The following ERBB4 variants were observed in gnomAD, a reference collection of about 807,000 sequenced individuals.
The protein encoded by ERBB4 is erb-b2 receptor tyrosine kinase 4, also known as receptor tyrosine-protein kinase erbB-4.
ERBB4 carries 42 observed loss-of-function variants against 158.0 expected under a neutral mutation model. The ratio of observed to expected loss-of-function variants is 0.27; its 90% CI spans 0.21 to 0.34. The LOEUF is 0.34. Among genes scored for constraint, ERBB4 ranks in the 10% least tolerant of loss-of-function variants. The pLI is 1.00. For synonymous variants in ERBB4, 583 were observed against 558.7 expected (o/e 1.04, Z -0.61); for missense variants, 1,333 against 1,624.1 (o/e 0.82, Z 3.08).
chr2:212,348,975 C>T (rs1407517867), intron 1 of ERBB4, among the ~76,000 whole-genome samples: 1 of 152,034 alleles, frequency 6.6e-6, no homozygotes, highest in Non-Finnish European at 1.5e-5. Flanking sequence ...ATGAAGAAAG[C>T]CAGTCTGTGT....
intron 3 of ERBB4, among the ~76,000 whole-genome samples, chr2:211,866,131 G>A (rs1334592380): frequency 2.0e-5 from 3 of 152,080 alleles, no homozygotes; most frequent in Non-Finnish European, 4.4e-5. Context: ...GGTGCCTGTA[G>A]TCCCAGCTAC....
chr2:211,863,935 C>T (rs1244897906), intron 3 of ERBB4, among the ~76,000 whole-genome samples: 1 of 152,180 alleles, frequency 6.6e-6, no homozygotes, highest in Non-Finnish European at 1.5e-5. Flanking sequence ...TTTCTTGACC[C>T]TCTGCTTCAT....
chr2:211,495,629 T>C (rs565033162), intron 20 of ERBB4, among the ~76,000 whole-genome samples: 12 of 152,122 alleles, frequency 7.9e-5, no homozygotes, highest in African/African-American at 2.9e-4. Context: ...AGGAACAAAA[T>C]ATATTTTCCT....
chr2:211,704,331 C>A, intron 10 of ERBB4, 137 bp from the exon 11 acceptor site: 1 of 677,104 alleles, frequency 1.5e-6, no homozygotes. Flanking sequence ...ATTTTTTAAG[C>A]ACTCTATTAC....
intron 2 of ERBB4, among the ~76,000 whole-genome samples, chr2:211,958,269 C>T (rs531608334): frequency 1.6e-4 from 25 of 152,168 alleles, no homozygotes; most frequent in East Asian, 9.6e-4. Flanking sequence ...TTCAAACATA[C>T]GCAATAGGCA....
chr2:211,917,757 A>G (rs77945037), intron 3 of ERBB4, among the ~76,000 whole-genome samples: 11,646 of 152,244 alleles, frequency 0.076, 516 homozygotes, highest in Middle Eastern at 0.13. Context: ...AAGCTACTTG[A>G]GTCAGATTCT....
intron 4 of ERBB4, among the ~76,000 whole-genome samples, chr2:211,761,530 C>T (rs976558029): frequency 2.0e-5 from 3 of 152,052 alleles, no homozygotes; most frequent in African/African-American, 7.2e-5. Context: ...CACATCAGCC[C>T]TTTTTATACG....
intron 1 of ERBB4, among the ~76,000 whole-genome samples, chr2:212,222,361 G>A (rs1219078405): frequency 6.6e-6 from 1 of 151,408 alleles, no homozygotes; most frequent in Admixed American, 6.6e-5. Context: ...AAATTACACA[G>A]TATATGAATT....
intron 1 of ERBB4, among the ~76,000 whole-genome samples, chr2:212,223,437 T>C (rs2083372487): frequency 6.8e-6 from 1 of 147,030 alleles, no homozygotes; most frequent in Non-Finnish European, 1.5e-5. Context: ...ATTTTTTTTA[T>C]TTATATACAT....
At position 211,571,037 on chromosome 2, in the gene ERBB4, T is replaced by C. The variant is rs199767759; in HGVS notation, c.2302-8949A>G. 1.8e-3 allele frequency among the ~76,000 whole-genome samples: 116 copies of C among 63,332 alleles called. 3 individuals are homozygous for C. The highest frequency in any genetic ancestry group is 6.6e-3 in the Middle Eastern group (1 of 152). 41.5% of individuals were successfully genotyped at this position (63,332 alleles called of 152,430 possible). On this transcript the variant is annotated intron_variant, in intron 19 of 27. Transcript: ENST00000342788. ...TGATTTTTCACTCTCTGAGTACTCT[T>C]CTTCTTTTTTTTTTTTTTTTTTTTG...
chr2:212,093,549 T>A (rs2125498481), intron 2 of ERBB4, among the ~76,000 whole-genome samples: 1 of 152,224 alleles, frequency 6.6e-6, no homozygotes, highest in Admixed American at 6.5e-5. Context: ...GCAAAAAAAA[T>A]TACAAATGAA....
At chr2:211,440,892 T>G (rs2063958939) in intron 20 of ERBB4, among the ~76,000 whole-genome samples, 1 of 152,180 alleles carries the variant, frequency 6.6e-6, no homozygotes, top group African/African-American at 2.4e-5. Flanking sequence ...GTCATTCAAT[T>G]CAGTTCTGCC....
At chr2:211,904,438 C>A (rs992875194) in intron 3 of ERBB4, among the ~76,000 whole-genome samples, 1 of 152,054 alleles carries the variant, frequency 6.6e-6, no homozygotes, top group African/African-American at 2.4e-5. Context: ...CTCCAAAATG[C>A]TTACTAATGG....
intron 1 of ERBB4, among the ~76,000 whole-genome samples, chr2:212,367,215 T>C (rs2089921674): frequency 6.6e-6 from 1 of 152,074 alleles, no homozygotes; most frequent in African/African-American, 2.4e-5. Context: ...TCTTTGACTC[T>C]GGCCTCCAGA....
chr2:211,472,512 T>C (rs1292516936), intron 20 of ERBB4, among the ~76,000 whole-genome samples: 1 of 151,622 alleles, frequency 6.6e-6, no homozygotes, highest in Non-Finnish European at 1.5e-5. Flanking sequence ...GTACTAATGA[T>C]AAGATCCTTC....
At chr2:212,200,218 C>T (rs2082551788) in intron 1 of ERBB4, among the ~76,000 whole-genome samples, 1 of 151,720 alleles carries the variant, frequency 6.6e-6, no homozygotes, top group Admixed American at 6.6e-5. Context: ...AATGACCCTA[C>T]CTATATAATA....
At chr2:211,455,697 T>C (rs922238925) in intron 20 of ERBB4, among the ~76,000 whole-genome samples, 5 of 152,198 alleles carry the variant, frequency 3.3e-5, no homozygotes, top group African/African-American at 1.2e-4. Flanking sequence ...TTTCACTATT[T>C]GAAGGAAAAA....
intron 15 of ERBB4, among the ~76,000 whole-genome samples, chr2:211,659,984 G>C (rs931070910): frequency 3.3e-5 from 5 of 152,134 alleles, no homozygotes; most frequent in Non-Finnish European, 7.4e-5. Context: ...CTGCAAACTG[G>C]GGTTGGGGTG....
intron 12 of ERBB4, among the ~76,000 whole-genome samples, chr2:211,698,542 TA>T: frequency 6.6e-6 from 1 of 151,920 alleles, no homozygotes; most frequent in Admixed American, 6.6e-5. Flanking sequence ...AAAATATTTT[TA>T]TATATTTTTG....
Sources: gnomAD v4.1 joint callset for allele counts (sites outside exome capture counted in the v4.1 genomes callset) on GRCh38, gnomAD v4.1.1 for gene constraint, MANE v1.5 for transcripts, NCBI Gene and HGNC (gene_info 2026-07-23, HGNC 2026-07-21) for gene names.